RPS6KC1: variants seen among roughly 807,000 people sequenced by gnomAD.
RPS6KC1 encodes the protein ribosomal protein S6 kinase C1.
In RPS6KC1, 54 loss-of-function variants were observed where a neutral mutation model predicts 103.8. The observed-to-expected ratio is 0.52, with a 90% confidence interval of 0.42 to 0.65. RPS6KC1 has a LOEUF of 0.65. Ranked by LOEUF, RPS6KC1 falls within the 30% of genes least tolerant of loss-of-function variation. The pLI is 0.00. For synonymous variants in RPS6KC1, 439 were observed against 438.7 expected, an observed-to-expected ratio of 1.00 and a Z score of -0.01; for missense variants, 1,151 against 1,253.8, an observed-to-expected ratio of 0.92 and a Z score of 1.24.
chr1:213,633,795 G>T, the RPS6KC1 span, among the ~76,000 whole-genome samples: 3 of 140,706 alleles, frequency 2.1e-5, no homozygotes, highest in Non-Finnish European at 4.6e-5. Context: ...GCTGTATTCA[G>T]AAGACCCATC....
At chr1:213,829,023 G>A in the RPS6KC1 span, among the ~76,000 whole-genome samples, 3 of 152,128 alleles carry the variant, frequency 2.0e-5, no homozygotes, top group African/African-American at 7.2e-5. Flanking sequence ...GCAGAGAGTG[G>A]CAGTCAGTCA....
At chr1:213,511,587 T>C in the RPS6KC1 span, among the ~76,000 whole-genome samples, 34 of 152,174 alleles carry the variant, frequency 2.2e-4, 1 homozygote, top group Non-Finnish European at 4.3e-4. Context: ...ATGGCCAAAG[T>C]CACAATAAGG....
At chr1:213,679,635 C>T in the RPS6KC1 span, among the ~76,000 whole-genome samples, 1 of 152,206 alleles carries the variant, frequency 6.6e-6, no homozygotes, top group Non-Finnish European at 1.5e-5. Context: ...CAAATTAAAT[C>T]CACCCATTGG....
the RPS6KC1 span, among the ~76,000 whole-genome samples, chr1:213,846,591 A>C: frequency 6.6e-6 from 1 of 152,210 alleles, no homozygotes; most frequent in Admixed American, 6.5e-5. Flanking sequence ...CAAAACATCA[A>C]GATATAGTAA....
chr1:213,381,448 T>C, the RPS6KC1 span, among the ~76,000 whole-genome samples: 1 of 150,508 alleles, frequency 6.6e-6, no homozygotes, highest in Non-Finnish European at 1.5e-5. Context: ...GATTTAGGGG[T>C]GTTGCGTGCC....
chr1:213,078,654 G>A (rs1223197621), intron 3 of RPS6KC1, among the ~76,000 whole-genome samples: 2 of 152,118 alleles, frequency 1.3e-5, no homozygotes, highest in Non-Finnish European at 2.9e-5. Context: ...CGCCCGCCTT[G>A]ACCTCCCAAA....
the RPS6KC1 span, among the ~76,000 whole-genome samples, chr1:213,370,133 A>G: frequency 6.6e-6 from 1 of 152,198 alleles, no homozygotes. Context: ...GCTGTGCAAA[A>G]GACAGGGAAA....
chr1:213,215,571 A>G (rs7515394), intron 8 of RPS6KC1, among the ~76,000 whole-genome samples: 24,729 of 152,128 alleles, frequency 0.16, 5,387 homozygotes, highest in African/African-American at 0.5. Context: ...CAAGACACAT[A>G]ATTGTCAGAT....
At chr1:213,444,744 C>CAAAAAAAA in the RPS6KC1 span, among the ~76,000 whole-genome samples, 4 of 87,488 alleles carry the variant, frequency 4.6e-5, no homozygotes, top group Non-Finnish European at 6.3e-5. Context: ...AACTCCAACT[C>CAAAAAAAA]AAAAAAAAAA....
chr1:213,637,236 A>G, the RPS6KC1 span, among the ~76,000 whole-genome samples: 1 of 152,306 alleles, frequency 6.6e-6, no homozygotes, highest in African/African-American at 2.4e-5. Context: ...TAGAAATACC[A>G]TTTGACCCAG....
At chr1:213,312,599 G>A in the RPS6KC1 span, among the ~76,000 whole-genome samples, 1 of 152,252 alleles carries the variant, frequency 6.6e-6, no homozygotes, top group East Asian at 1.9e-4. Flanking sequence ...GTGCAGTGTG[G>A]CATTTCTCTT....
the RPS6KC1 span, among the ~76,000 whole-genome samples, chr1:213,828,099 G>A: frequency 1.2e-4 from 18 of 152,084 alleles, no homozygotes; most frequent in African/African-American, 4.1e-4. Context: ...GTCATCAAAC[G>A]CTGTTGATGA....
the RPS6KC1 span, among the ~76,000 whole-genome samples, chr1:213,285,148 G>T: frequency 6.6e-6 from 1 of 152,218 alleles, no homozygotes. Flanking sequence ...TACCAACATG[G>T]TTGGGTTCTG....
At chr1:213,357,454 T>G in the RPS6KC1 span, among the ~76,000 whole-genome samples, 1 of 152,200 alleles carries the variant, frequency 6.6e-6, no homozygotes, top group African/African-American at 2.4e-5. Context: ...TTCTGTGGAT[T>G]GCAGAATCAC....
At chr1:213,318,271 A>G in the RPS6KC1 span, among the ~76,000 whole-genome samples, 1 of 152,268 alleles carries the variant, frequency 6.6e-6, no homozygotes, top group Non-Finnish European at 1.5e-5. Context: ...TCCTCTTCCT[A>G]TGGACTGTTA....
chr1:213,325,350 T>C, the RPS6KC1 span, among the ~76,000 whole-genome samples: 1 of 152,192 alleles, frequency 6.6e-6, no homozygotes, highest in African/African-American at 2.4e-5. Context: ...TATCCCTGGG[T>C]GGAGGGTGAT....
the RPS6KC1 span, among the ~76,000 whole-genome samples, chr1:213,723,221 A>G: frequency 1.3e-5 from 2 of 152,204 alleles, no homozygotes; most frequent in African/African-American, 4.8e-5. Flanking sequence ...GAGGTGGACT[A>G]TTAAAGAATT....
At chr1:213,460,048 A>G in the RPS6KC1 span, among the ~76,000 whole-genome samples, 1 of 152,326 alleles carries the variant, frequency 6.6e-6, no homozygotes, top group East Asian at 1.9e-4. Context: ...GCTGAGAAGA[A>G]TGTATATTCT....
chr1:213,432,563 A>G, the RPS6KC1 span, among the ~76,000 whole-genome samples: 5 of 152,192 alleles, frequency 3.3e-5, no homozygotes, highest in Non-Finnish European at 7.3e-5. Flanking sequence ...TAATCAGGAT[A>G]GTAAACATAA....
Sources: gnomAD v4.1 joint callset for allele counts (sites outside exome capture counted in the v4.1 genomes callset) on GRCh38, gnomAD v4.1.1 for gene constraint, MANE v1.5 for transcripts, NCBI Gene and HGNC (gene_info 2026-07-23, HGNC 2026-07-21) for gene names.